ARK2N: variants seen among roughly 807,000 people sequenced by gnomAD.
ARK2N encodes the protein protein ARK2N.
the ARK2N span, among the ~76,000 whole-genome samples, chr18:46,176,798 G>T: frequency 6.6e-6 from 1 of 152,042 alleles, no homozygotes; most frequent in Non-Finnish European, 1.5e-5. Flanking sequence ...TGTATTTTTA[G>T]TAGAGACGGG....
At chr18:46,228,880 T>G in the ARK2N span, 1 of 398,378 alleles carries the variant, frequency 2.5e-6, no homozygotes, top group Non-Finnish European at 4.4e-6. Flanking sequence ...ACATAGGTAT[T>G]AATAGTTATA....
At chr18:46,224,623 T>A in the ARK2N span, among the ~76,000 whole-genome samples, 2 of 147,044 alleles carry the variant, frequency 1.4e-5, no homozygotes, top group Non-Finnish European at 2.9e-5. Context: ...CCACTCCAGT[T>A]CTTATTGTTC....
At chr18:46,189,399 A>G in the ARK2N span, among the ~76,000 whole-genome samples, 1 of 152,150 alleles carries the variant, frequency 6.6e-6, no homozygotes, top group Non-Finnish European at 1.5e-5. Flanking sequence ...TCTAAATAGC[A>G]ACCTTCAAAT....
At chr18:46,231,273 T>C in the ARK2N span, among the ~76,000 whole-genome samples, 2 of 152,310 alleles carry the variant, frequency 1.3e-5, no homozygotes, top group Non-Finnish European at 2.9e-5. Flanking sequence ...TTTGTATGGA[T>C]TTTTACTAAG....
the ARK2N span, among the ~76,000 whole-genome samples, chr18:46,238,368 A>G: frequency 6.6e-6 from 1 of 152,352 alleles, no homozygotes; most frequent in South Asian, 2.1e-4. Context: ...GTATTTGGAC[A>G]TCACACAGTA....
At chr18:46,242,261 T>G in the ARK2N span, among the ~76,000 whole-genome samples, 3 of 152,190 alleles carry the variant, frequency 2.0e-5, no homozygotes, top group African/African-American at 7.2e-5. Flanking sequence ...AAATGAATGA[T>G]TACCAACGTT....
chr18:46,261,109 A>G, the ARK2N span, among the ~76,000 whole-genome samples: 2 of 152,174 alleles, frequency 1.3e-5, no homozygotes, highest in African/African-American at 4.8e-5. Flanking sequence ...CTTTACTTCA[A>G]TTAGTGCTTA....
At chr18:46,221,509 G>A in the ARK2N span, among the ~76,000 whole-genome samples, 4 of 146,192 alleles carry the variant, frequency 2.7e-5, no homozygotes, top group Admixed American at 6.8e-5. Context: ...GCAGTGAGCC[G>A]AGGTCATGCC....
the ARK2N span, chr18:46,262,933 G>A: frequency 1.2e-6 from 2 of 1,613,990 alleles, no homozygotes; most frequent in South Asian, 1.1e-5. Flanking sequence ...TTGCAGGTGT[G>A]TTCATCCTCG....
chr18:46,229,019 G>C, the ARK2N span: 1 of 380,610 alleles, frequency 2.6e-6, no homozygotes, highest in East Asian at 3.8e-5. Context: ...AGGAATGCCA[G>C]AATACACTGA....
the ARK2N span, among the ~76,000 whole-genome samples, chr18:46,200,860 G>T: frequency 1.3e-5 from 2 of 152,066 alleles, no homozygotes; most frequent in Non-Finnish European, 2.9e-5. Flanking sequence ...AAAGTGCCTA[G>T]CTCATGCTAA....
At chr18:46,175,196 C>T in the ARK2N span, among the ~76,000 whole-genome samples, 1 of 146,202 alleles carries the variant, frequency 6.8e-6, no homozygotes, top group Non-Finnish European at 1.5e-5. Flanking sequence ...TCGGTACGAG[C>T]CCTACCAGAT....
chr18:46,212,817 G>A, the ARK2N span, among the ~76,000 whole-genome samples: 15 of 152,058 alleles, frequency 9.9e-5, no homozygotes, highest in South Asian at 1.5e-3. Flanking sequence ...GAAGAAACAA[G>A]CGTTGTATGG....
the ARK2N span, among the ~76,000 whole-genome samples, chr18:46,213,095 G>A: frequency 2.9e-5 from 4 of 137,088 alleles, no homozygotes; most frequent in Non-Finnish European, 4.6e-5. Flanking sequence ...TCCACCTCCC[G>A]GGTTCAAGTG....
chr18:46,194,007 GTTTC>G, the ARK2N span, among the ~76,000 whole-genome samples: 3 of 152,050 alleles, frequency 2.0e-5, no homozygotes, highest in African/African-American at 7.2e-5. Context: ...TTTCTTGTTT[GTTTC>G]TTTCTTTTTT....
chr18:46,181,462 TC>T, the ARK2N span, among the ~76,000 whole-genome samples: 1 of 140,384 alleles, frequency 7.1e-6, no homozygotes, highest in African/African-American at 3.0e-5. Context: ...ATGCCTGTAA[TC>T]CCAGCACTTT....
chr18:46,219,482 T>TTC, the ARK2N span, among the ~76,000 whole-genome samples: 7 of 151,994 alleles, frequency 4.6e-5, no homozygotes, highest in African/African-American at 1.7e-4. Context: ...TCTTTTTTTT[T>TTC]TTTTTTGAGA....
At chr18:46,243,064 G>A in the ARK2N span, among the ~76,000 whole-genome samples, 1 of 152,120 alleles carries the variant, frequency 6.6e-6, no homozygotes, top group Admixed American at 6.6e-5. Flanking sequence ...TTGTTATGAA[G>A]CTTATTGGCT....
chr18:46,253,829 A>G, the ARK2N span: 55 of 1,599,904 alleles, frequency 3.4e-5, no homozygotes, highest in African/African-American at 1.9e-4. Flanking sequence ...GCAAGGTAGG[A>G]TACTAATTGG....
Sources: gnomAD v4.1 joint callset for allele counts (sites outside exome capture counted in the v4.1 genomes callset) on GRCh38, gnomAD v4.1.1 for gene constraint, MANE v1.5 for transcripts, NCBI Gene and HGNC (gene_info 2026-07-23, HGNC 2026-07-21) for gene names.